PKDREJ: variants seen among roughly 807,000 people sequenced by gnomAD.
The protein encoded by PKDREJ is polycystin family receptor for egg jelly.
For missense variants in PKDREJ, 2,507 were observed against 2,807.2 expected, an observed-to-expected ratio of 0.89 and a Z score of 2.42; for synonymous variants, 1,031 against 1,095.5, an observed-to-expected ratio of 0.94 and a Z score of 1.16.
In PKDREJ at chr22:46,261,085, TAC is replaced by T; in HGVS notation, c.2236_2237del (p.Val746LysfsTer22). ...HLIDQSFLLPVSTLVEIGQVV... is the reference protein window; with the variant it reads ...HLIDQSFLLPXSTLVEIGQVV... ...CCTGGCCAATTTCTACCAAAGTGCTTACAGGAAGAAGGAAAGACTGATCGATG... is the reference window on the plus strand; with the variant it reads ...CCTGGCCAATTTCTACCAAAGTGCTTAGGAAGAAGGAAAGACTGATCGATG... On this transcript the variant is annotated frameshift_variant, in exon 1 of 1. Coordinates refer to ENST00000253255, the MANE Select transcript of PKDREJ (RefSeq NM_006071.2). LOFTEE classifies it low-confidence loss of function (END_TRUNC). The surrounding 1 kb of genome is among the most constrained non-coding windows in gnomAD (Gnocchi z 7.1). 1 of 1,614,180 alleles carries T rather than the reference TAC, an allele frequency of 6.2e-7. No homozygotes were observed. The highest frequency in any genetic ancestry group is 8.5e-7 in the Non-Finnish European group (1 of 1,180,032).
rs1936722270 is a variant in PKDREJ at position 46,263,305 on chromosome 22, A to AGCGGGCCCAGGCCTCATGGC, written c.-3_17dup (p.Leu7ProfsTer2). The AGCGGGCCCAGGCCTCATGGC allele has an allele frequency of 6.9e-7, 1 of 1,445,198 alleles. No individual in the cohort carries two copies. The allele number at this position is 1,445,198 out of a possible 1,614,324, so 89.5% of individuals were successfully genotyped here. A position where few individuals can be genotyped will look rare whatever the true frequency, so the allele number is the denominator to read the frequency against. Reference sequence around the variant, plus strand: ...TCAGGCCCACGCCCAGAAGGAGGAGAGCGGGCCCAGGCCTCATGGCGCCGG... The same window carrying AGCGGGCCCAGGCCTCATGGC: ...TCAGGCCCACGCCCAGAAGGAGGAGAGCGGGCCCAGGCCTCATGGCGCGGGCCCAGGCCTCATGGCGCCGG... On this transcript the variant is annotated stop_gained and frameshift_variant, in exon 1 of 1. Coordinates refer to ENST00000253255, the MANE Select transcript of PKDREJ (RefSeq NM_006071.2). LOFTEE classifies it low-confidence loss of function (END_TRUNC). This position sits in a 1 kb window ranked among gnomAD's most constrained non-coding sequence, Gnocchi z 9.4.
rs34798212 is a variant in PKDREJ at position 46,260,345 on chromosome 22, A to G, written c.2978T>C (p.Val993Ala). The G allele has an allele frequency of 9.6e-3, 15,498 of 1,614,058 alleles. 1,146 individuals carry two copies. The African/African-American group carries it at 0.17, about 18-fold the overall frequency. The change falls in exon 1 of 1, where the codon GTG (valine) becomes GCG (alanine). Residue 993 changes from valine to alanine, a missense_variant. By Grantham distance (64) the Val-to-Ala change is moderately conservative. Coordinates refer to ENST00000253255, the MANE Select transcript of PKDREJ (RefSeq NM_006071.2). This position sits in a 1 kb window ranked among gnomAD's most constrained non-coding sequence, Gnocchi z 4.5. ...TATGTGGACCAGAACCTCCCTAAGC[A>G]CTGTGCTGTCCACTTGAAAGCTAAA... ...GGFSFQVDST[V>A]LREVLVHIVT...
At position 46,261,476 on chromosome 22, in the gene PKDREJ, G is replaced by A. The variant is rs775874909; in HGVS notation, c.1847C>T (p.Thr616Ile). 2 of 1,614,090 alleles carry A rather than the reference G, an allele frequency of 1.2e-6. No individual in the cohort carries two copies. Among genetic ancestry groups the A allele is most frequent in the Non-Finnish European group, 1.7e-6 (2 of 1,179,980 alleles). ...VGEISSVKENTLGTILYLGPQ... is the reference protein window; with the variant it reads ...VGEISSVKENILGTILYLGPQ... ...CCCCAAGTACAGGATGGTCCCCAGGGTGTTCTCTTTTACTGAACTGATTTC... is the reference window on the plus strand; with the variant it reads ...CCCCAAGTACAGGATGGTCCCCAGGATGTTCTCTTTTACTGAACTGATTTC... The change falls in exon 1 of 1, where the codon ACC becomes ATC. Residue 616 changes from threonine to isoleucine, a missense_variant. Thr to Ile is a moderately conservative substitution (Grantham distance 89). Transcript: ENST00000253255. The surrounding 1 kb of genome is among the most constrained non-coding windows in gnomAD (Gnocchi z 7.1).
Position 46,258,072 on chromosome 22 carries a change from G to A in PKDREJ, c.5251C>T (p.Leu1751Phe). The change falls in exon 1 of 1, where the codon CTT (leucine) becomes TTT (phenylalanine). Residue 1751 changes from leucine (L) to phenylalanine (F), a missense_variant. By Grantham distance (22) the Leu-to-Phe change is conservative. Transcript: ENST00000253255. This position sits in a 1 kb window ranked among gnomAD's most constrained non-coding sequence, Gnocchi z 6.1. Reference protein sequence around the residue: ...QFIRDRFSMDLATVTKLEDIY... With the variant: ...QFIRDRFSMDFATVTKLEDIY... Reference sequence around the variant, plus strand: ...TCTTCCAGCTTAGTCACAGTAGCAAGATCCATAGAGAACCGATCACGAATA... The same window carrying A: ...TCTTCCAGCTTAGTCACAGTAGCAAAATCCATAGAGAACCGATCACGAATA... 6.2e-7 allele frequency: 1 copy of A among 1,614,090 alleles called. No individual in the cohort carries two copies. The highest frequency in any genetic ancestry group is 8.5e-7 in the Non-Finnish European group (1 of 1,180,040).
chr22:46,260,589 T>C lies in PKDREJ; in HGVS notation c.2734A>G (p.Asn912Asp), dbSNP rs1161720304. The C allele has an allele frequency of 6.2e-7, 1 of 1,614,060 alleles. No homozygotes were observed. The highest frequency in any genetic ancestry group is 1.3e-5 in the African/African-American group (1 of 74,934). ...TCATTTAACCAAGGAAAGAGGTCAT[T>C]TGTGAAATCACAAAACATTGTAGAA... ...PISTMFCDFT[N>D]DLFPWLNDQE... The change falls in exon 1 of 1, where the codon AAT becomes GAT. Residue 912 changes from asparagine to aspartate, a missense_variant. Asn to Asp is a conservative substitution (Grantham distance 23, BLOSUM62 1). Transcript: ENST00000253255. This position sits in a 1 kb window ranked among gnomAD's most constrained non-coding sequence, Gnocchi z 4.5.
At position 46,258,898 on chromosome 22, in the gene PKDREJ, C is replaced by G. The variant is rs540432702; in HGVS notation, c.4425G>C (p.Glu1475Asp). ...QKHPLMSEASEHWEEYLRKWH... is the reference protein window; with the variant it reads ...QKHPLMSEASDHWEEYLRKWH... ...ACTTTCTCAAGTATTCTTCCCAGTG[C>G]TCACTTGCTTCTGACATTAGAGGAT... Residue 1475 changes from glutamate to aspartate, a missense_variant, in exon 1 of 1, where the codon GAG becomes GAC. Coordinates refer to ENST00000253255, the MANE Select transcript of PKDREJ (RefSeq NM_006071.2). This position sits in a 1 kb window ranked among gnomAD's most constrained non-coding sequence, Gnocchi z 6.1. 6.2e-7 allele frequency: 1 copy of G among 1,614,174 alleles called. No homozygotes were observed. The highest frequency in any genetic ancestry group is 1.1e-5 in the South Asian group (1 of 91,086).
chr22:46,259,785 G>A lies in PKDREJ; in HGVS notation c.3538C>T (p.Leu1180Phe). The A allele has an allele frequency of 6.2e-7, 1 of 1,614,078 alleles. No individual in the cohort carries two copies. Among genetic ancestry groups the A allele is most frequent in the South Asian group, 1.1e-5 (1 of 91,074 alleles). The change falls in exon 1 of 1, where the codon CTT (leucine) becomes TTT (phenylalanine). Residue 1180 changes from leucine to phenylalanine, a missense_variant. By Grantham distance (22) the Leu-to-Phe change is conservative. Coordinates refer to ENST00000253255, the MANE Select transcript of PKDREJ (RefSeq NM_006071.2). This position sits in a 1 kb window ranked among gnomAD's most constrained non-coding sequence, Gnocchi z 6.8. ...AAGAGGGTCACGGGGTTTTGGTGAA[G>A]GCTCTTGATGATGTTTAACCGTAGA... is the stretch of plus-strand genomic sequence containing the variant. ...VDLRLNIIKS[L>F]HQNPVTLFTV...
At position 46,261,379 on chromosome 22, in the gene PKDREJ, A is replaced by G. The variant is rs370531606; in HGVS notation, c.1944T>C (p.Tyr648=). 2.8e-5 allele frequency: 45 copies of G among 1,613,892 alleles called. No homozygotes were observed. The highest frequency in any genetic ancestry group is 3.7e-5 in the Non-Finnish European group (44 of 1,180,028). ...CTCCTAGAGAATCATAGACCTGGGC[A>G]TATATCTTCAAGCCATATTGACTAG... ...MLASQYGLKI[Y]AQVYDSLGAF... Residue 648 remains tyrosine (Y), a synonymous_variant, in exon 1 of 1, where the codon TAT becomes TAC. Transcript: ENST00000253255. This position sits in a 1 kb window ranked among gnomAD's most constrained non-coding sequence, Gnocchi z 7.1.
Position 46,260,088 on chromosome 22 carries a change from TG to T in PKDREJ, c.3234del (p.Ile1079Ter). On this transcript the variant is annotated frameshift_variant, in exon 1 of 1. Transcript: ENST00000253255. LOFTEE classifies it low-confidence loss of function (END_TRUNC). The surrounding 1 kb of genome is among the most constrained non-coding windows in gnomAD (Gnocchi z 4.5). ...QHSHSPHCTV[S>X]IVLQAPRFVM... ...ACAAAACGAGGTGCCTGCAGAACTA[TG>T]GATACAGTACAGTGGGGAGAGTGGC... 1 of 1,614,024 alleles carries T rather than the reference TG, an allele frequency of 6.2e-7. No individual in the cohort carries two copies. Among genetic ancestry groups the T allele is most frequent in the African/African-American group, 1.3e-5 (1 of 75,040 alleles).
At position 46,257,389 on chromosome 22, in the gene PKDREJ, G is replaced by T; in HGVS notation, c.5934C>A (p.Tyr1978Ter). 1 of 1,613,970 alleles carries T rather than the reference G, an allele frequency of 6.2e-7. No individual in the cohort carries two copies. The highest frequency in any genetic ancestry group is 1.1e-5 in the South Asian group (1 of 91,052). The change falls in exon 1 of 1, where the codon TAC (tyrosine) becomes TAA (stop). Residue 1978 changes from tyrosine to a stop codon, truncating the protein, a stop_gained. Coordinates refer to ENST00000253255, the MANE Select transcript of PKDREJ (RefSeq NM_006071.2). LOFTEE classifies it low-confidence loss of function (END_TRUNC). The surrounding 1 kb of genome is among the most constrained non-coding windows in gnomAD (Gnocchi z 4.7). Reference sequence around the variant, plus strand: ...TAATGATACAACCCTCATCAACAACGTAGGCTAAGAAAAAAATGAGAATGG... The same window carrying T: ...TAATGATACAACCCTCATCAACAACTTAGGCTAAGAAAAAAATGAGAATGG... ...YVAILIFFLA[Y>*]VVDEGCIIMQ...
chr22:46,261,939 A>G lies in PKDREJ; in HGVS notation c.1384T>C (p.Cys462Arg), dbSNP rs1421189975. 3.7e-6 allele frequency: 6 copies of G among 1,613,984 alleles called. No homozygotes were observed. The highest frequency in any genetic ancestry group is 5.1e-6 in the Non-Finnish European group (6 of 1,180,004). ...QGPKAIAHIT[C>R]IENCERNFIV... Reference sequence around the variant, plus strand: ...AAGTTTCTCTCACAATTTTCGATACATGTGATGTGTGCTATGGCTTTTGGT... The same window carrying G: ...AAGTTTCTCTCACAATTTTCGATACGTGTGATGTGTGCTATGGCTTTTGGT... The change falls in exon 1 of 1, where the codon TGT becomes CGT. Residue 462 changes from cysteine to arginine, a missense_variant. Transcript: ENST00000253255. The surrounding 1 kb of genome is among the most constrained non-coding windows in gnomAD (Gnocchi z 7.1).
At position 46,258,952 on chromosome 22, in the gene PKDREJ, C is replaced by T. The variant is rs766031259; in HGVS notation, c.4371G>A (p.Ala1457=). The T allele has an allele frequency of 5.6e-5, 91 of 1,614,008 alleles. 2 individuals carry two copies. In the Middle Eastern group the frequency reaches 6.7e-3, roughly 120 times the overall value. The change falls in exon 1 of 1, where the codon GCG becomes GCA. Residue 1457 remains alanine, a synonymous_variant. Transcript: ENST00000253255. This position sits in a 1 kb window ranked among gnomAD's most constrained non-coding sequence, Gnocchi z 6.1. ...TTTGAGGAGATACCTCCTTTAGATC[C>T]GCTTGAGGTTTCCTCTGGGAACAGG... is the stretch of plus-strand genomic sequence containing the variant. ...LFTCSQRKPQ[A]DLKEVSPQKH...
In PKDREJ at chr22:46,256,477, C is replaced by A. The variant is rs1936632405; in HGVS notation, c.*84G>T. The A allele has an allele frequency of 6.6e-7, 1 of 1,520,828 alleles. No individual in the cohort carries two copies. The highest frequency in any genetic ancestry group is 1.3e-5 in the South Asian group (1 of 76,122). The allele number at this position is 1,520,828 out of a possible 1,614,324, so 94.2% of individuals were successfully genotyped here. A position where few individuals can be genotyped will look rare whatever the true frequency, so the allele number is the denominator to read the frequency against. ...GACATGAGTAGAAAGCATGACTAGG[C>A]CACTGACACTCCCTAATCCCCTTAA... is the stretch of plus-strand genomic sequence containing the variant. On this transcript the variant is annotated 3_prime_UTR_variant, in exon 1 of 1. Transcript: ENST00000253255. The surrounding 1 kb of genome is among the most constrained non-coding windows in gnomAD (Gnocchi z 5.3).
chr22:46,262,700 A>T lies in PKDREJ; in HGVS notation c.623T>A (p.Val208Glu), dbSNP rs1379223283. ...SSSHRAVESS[V>E]SCQINACVIQ... is the part of the protein sequence containing the mutation. ...GACGCAGGCGTTTATCTGACAGGAC[A>T]CGGACGACTCGACGGCTCTGTGGCT... The change falls in exon 1 of 1, where the codon GTG becomes GAG. Residue 208 changes from valine to glutamate, a missense_variant. Physicochemically the swap from Val to Glu is moderately radical, Grantham distance 121 (BLOSUM62 -2). Coordinates refer to ENST00000253255, the MANE Select transcript of PKDREJ (RefSeq NM_006071.2). The surrounding 1 kb of genome is among the most constrained non-coding windows in gnomAD (Gnocchi z 8.1). The T allele has an allele frequency of 1.2e-6, 2 of 1,612,812 alleles. No homozygotes were observed. Among genetic ancestry groups the T allele is most frequent in the Non-Finnish European group, 1.7e-6 (2 of 1,179,710 alleles).
chr22:46,257,276 AAG>A lies in PKDREJ; in HGVS notation c.6045_6046del (p.Phe2016SerfsTer99). On this transcript the variant is annotated frameshift_variant, in exon 1 of 1. Transcript: ENST00000253255. LOFTEE classifies it low-confidence loss of function (END_TRUNC). The surrounding 1 kb of genome is among the most constrained non-coding windows in gnomAD (Gnocchi z 4.7). ...AGTGGCCAGGAAATGTTTCCTGAGA[AAG>A]AGCACAATCAACACAGTAAATATGC... is the stretch of plus-strand genomic sequence containing the variant. 6.2e-7 allele frequency: 1 copy of A among 1,614,120 alleles called. No individual in the cohort carries two copies. Among genetic ancestry groups the A allele is most frequent in the Non-Finnish European group, 8.5e-7 (1 of 1,180,034 alleles).
rs367663146 is a variant in PKDREJ at position 46,262,486 on chromosome 22, C to T, written c.837G>A (p.Leu279=). The T allele has an allele frequency of 6.3e-7, 1 of 1,593,092 alleles. No homozygotes were observed. Among genetic ancestry groups the T allele is most frequent in the South Asian group, 1.1e-5 (1 of 87,204 alleles). ...GGCTGTTCCTGATCTCGAGCTGGGG[C>T]AGATCCAAGGGCTGCGTCCAGTCGG... ...QAPDWTQPLD[L]PQLEIRNSPL... is the part of the protein sequence containing the mutation. The change falls in exon 1 of 1, where the codon CTG becomes CTA. Residue 279 remains leucine, a synonymous_variant. Transcript: ENST00000253255. The surrounding 1 kb of genome is among the most constrained non-coding windows in gnomAD (Gnocchi z 8.1).
In PKDREJ at chr22:46,260,682, AGT is replaced by A; in HGVS notation, c.2639_2640del (p.His880LeufsTer29). 1.9e-6 allele frequency: 3 copies of A among 1,614,196 alleles called. No homozygotes were observed. Among genetic ancestry groups the A allele is most frequent in the Non-Finnish European group, 2.5e-6 (3 of 1,180,016 alleles). Reference sequence around the variant, plus strand: ...AGTGTTGGATAAAAACAATTTCTGCAGTGTTTCTCATTTCTGAAGAGCTGGTT... The same window carrying A: ...AGTGTTGGATAAAAACAATTTCTGCAGTTTCTCATTTCTGAAGAGCTGGTT... ...GINQLFRNEK[H>X]CRNCFYPTLN... On this transcript the variant is annotated frameshift_variant, in exon 1 of 1. Coordinates refer to ENST00000253255, the MANE Select transcript of PKDREJ (RefSeq NM_006071.2). LOFTEE classifies it low-confidence loss of function (END_TRUNC). This position sits in a 1 kb window ranked among gnomAD's most constrained non-coding sequence, Gnocchi z 4.5.
rs905992263 is a variant in PKDREJ at position 46,258,976 on chromosome 22, G to A, written c.4347C>T (p.Thr1449=). The change falls in exon 1 of 1, where the codon ACC becomes ACT. Residue 1449 remains threonine (T), a synonymous_variant. Transcript: ENST00000253255. The surrounding 1 kb of genome is among the most constrained non-coding windows in gnomAD (Gnocchi z 6.1). ...PVQLLITFLF[T]CSQRKPQADL... ...CCGCTTGAGGTTTCCTCTGGGAACA[G>A]GTGAACAAAAAAGTTATTAATAATT... 2 of 1,614,104 alleles carry A rather than the reference G, an allele frequency of 1.2e-6. No individual in the cohort carries two copies. The highest frequency in any genetic ancestry group is 1.7e-6 in the Non-Finnish European group (2 of 1,179,974).
In PKDREJ at chr22:46,257,350, G is replaced by T. The variant is rs1342028452; in HGVS notation, c.5973C>A (p.Ala1991=). The T allele has an allele frequency of 6.2e-7, 1 of 1,613,984 alleles. No homozygotes were observed. The highest frequency in any genetic ancestry group is 1.1e-5 in the South Asian group (1 of 91,046). ...DEGCIIMQER[A]SYVRSVYNLL... ...AATTATACACACTTCTCACATAGGA[G>T]GCTCTTTCTTGCATAATGATACAAC... The change falls in exon 1 of 1, where the codon GCC becomes GCA. Residue 1991 remains alanine, a synonymous_variant. Transcript: ENST00000253255. The surrounding 1 kb of genome is among the most constrained non-coding windows in gnomAD (Gnocchi z 4.7).
Sources: allele counts gnomAD v4.1 joint callset, GRCh38; gene constraint gnomAD v4.1.1; non-coding constraint Gnocchi (gnomAD v3.1); transcripts MANE v1.5; gene names NCBI Gene and HGNC (gene_info 2026-07-23, HGNC 2026-07-21).